Variants in MOB4 observed in about 807,000 individuals in gnomAD.
MOB4 encodes MOB-like protein phocein.
A neutral mutation model predicts 32.2 loss-of-function variants in MOB4; 4 were observed. The ratio of observed to expected loss-of-function variants is 0.12; its 90% CI spans 0.06 to 0.28. MOB4 has a LOEUF of 0.28. MOB4 is among the 10% of genes least tolerant of loss of function. The pLI, the probability that MOB4 is intolerant of heterozygous loss-of-function variation, is 1.00. For synonymous variants in MOB4, 88 were observed against 88.1 expected (o/e 1.00, Z 0.01); for missense variants, 158 against 271.2 (o/e 0.58, Z 2.93).
intron 3 of MOB4, among the ~76,000 whole-genome samples, chr2:197,536,379 A>AT (rs1388532320): frequency 6.6e-6 from 1 of 150,492 alleles, no homozygotes; most frequent in Non-Finnish European, 1.5e-5. Flanking sequence ...AGTTTTTTGT[A>AT]TTTTTTGTAG....
At chr2:197,523,381 C>T (rs908902136) in intron 1 of MOB4, among the ~76,000 whole-genome samples, 3 of 152,180 alleles carry the variant, frequency 2.0e-5, no homozygotes, top group African/African-American at 7.2e-5. Flanking sequence ...TGATTGCTTA[C>T]ACCCAGGAGT....
rs773078783 is a variant in MOB4, at chr2:197,551,224, T to C, written c.*578T>C. Reference sequence around the variant, plus strand: ...ATTAGTAATACTTAAATAATTTTACTGTGCTACATAAAGTATAACATACTT... The same window carrying C: ...ATTAGTAATACTTAAATAATTTTACCGTGCTACATAAAGTATAACATACTT... On this transcript the variant is annotated 3_prime_UTR_variant, in exon 8 of 8. Transcript: ENST00000323303. 6.6e-6 allele frequency: 1 copy of C among 152,430 alleles called. No individual in the cohort carries two copies. The highest frequency in any genetic ancestry group is 1.5e-5 in the Non-Finnish European group (1 of 68,040). 9.4% of individuals were successfully genotyped at this position (152,430 alleles called of 1,614,324 possible).
intron 2 of MOB4, among the ~76,000 whole-genome samples, chr2:197,532,730 C>G (rs1029031204): frequency 2.6e-5 from 4 of 151,520 alleles, no homozygotes; most frequent in African/African-American, 9.7e-5. Flanking sequence ...CAGGGACTCA[C>G]TATATGAAGG....
chr2:197,536,678 C>T (rs2086805767), intron 3 of MOB4, among the ~76,000 whole-genome samples: 1 of 147,140 alleles, frequency 6.8e-6, no homozygotes, highest in Admixed American at 6.9e-5. Flanking sequence ...CCCGGCTCAC[C>T]ACAACCTCTG....
At chr2:197,537,735 C>G (rs1027374238) in intron 3 of MOB4, among the ~76,000 whole-genome samples, 1 of 152,104 alleles carries the variant, frequency 6.6e-6, no homozygotes, top group African/African-American at 2.4e-5. Flanking sequence ...GTAGTACATC[C>G]TTTGCTTTAT....
chr2:197,535,199 G>A (rs2086776831), intron 2 of MOB4, among the ~76,000 whole-genome samples: 1 of 150,554 alleles, frequency 6.6e-6, no homozygotes, highest in African/African-American at 2.4e-5. Flanking sequence ...CTCCAGCCTG[G>A]GTGATGCAGT....
intron 3 of MOB4, among the ~76,000 whole-genome samples, chr2:197,539,579 A>C (rs1237996050): frequency 6.6e-6 from 1 of 152,066 alleles, no homozygotes; most frequent in African/African-American, 2.4e-5. Context: ...CGGCCTCCCA[A>C]AGTGTTGGGA....
At chr2:197,536,326 C>G (rs1435190718) in intron 3 of MOB4, among the ~76,000 whole-genome samples, 2 of 152,050 alleles carry the variant, frequency 1.3e-5, no homozygotes, top group East Asian at 3.9e-4. Flanking sequence ...ACCTCAGCCT[C>G]CTGAGTAGCT....
chr2:197,540,722 T>G (rs2086882023), intron 5 of MOB4, among the ~76,000 whole-genome samples: 1 of 152,242 alleles, frequency 6.6e-6, no homozygotes, highest in Non-Finnish European at 1.5e-5. Context: ...TGTGTAATGA[T>G]TGAGATACGC....
At chr2:197,542,249 A>G (rs999609702) in intron 5 of MOB4, among the ~76,000 whole-genome samples, 3 of 152,242 alleles carry the variant, frequency 2.0e-5, no homozygotes, top group African/African-American at 7.2e-5. Flanking sequence ...AGACCTGTAA[A>G]TTGAGTCTTA....
chr2:197,525,276 G>A (rs1426622649), intron 2 of MOB4, among the ~76,000 whole-genome samples: 1 of 80,058 alleles, frequency 1.2e-5, no homozygotes, highest in Non-Finnish European at 2.7e-5. Flanking sequence ...AACCTGGGAG[G>A]CAGTGAGCCT....
chr2:197,547,550 G>A (rs914905888), intron 5 of MOB4, among the ~76,000 whole-genome samples: 12 of 152,030 alleles, frequency 7.9e-5, no homozygotes, highest in African/African-American at 2.2e-4. Flanking sequence ...TTAGTGCCAC[G>A]GCACTAAGCC....
chr2:197,548,324 T>C lies in MOB4; in HGVS notation c.355-12T>C. 6.3e-7 allele frequency: 1 copy of C among 1,599,538 alleles called. No homozygotes were observed. Among genetic ancestry groups the C allele is most frequent in the Non-Finnish European group, 8.5e-7 (1 of 1,172,882 alleles). On this transcript the variant is annotated splice_polypyrimidine_tract_variant and intron_variant, in intron 5 of 7. Coordinates refer to ENST00000323303, the MANE Select transcript of MOB4 (RefSeq NM_015387.5). Reference sequence around the variant, plus strand: ...TCTTTGTTGATGCATTTCTATATTCTTTCTTTTGTAGTGTCCTGCTATAGA... The same window carrying C: ...TCTTTGTTGATGCATTTCTATATTCCTTCTTTTGTAGTGTCCTGCTATAGA...
At chr2:197,532,099 G>T (rs1361249105) in intron 2 of MOB4, among the ~76,000 whole-genome samples, 1 of 151,590 alleles carries the variant, frequency 6.6e-6, no homozygotes, top group Non-Finnish European at 1.5e-5. Flanking sequence ...AGTAGAGATG[G>T]TGTGTCACCA....
rs1401259265 is a variant in MOB4 at position 197,550,221 on chromosome 2, G to T, written c.435-54G>T. The T allele has an allele frequency of 7.3e-6, 11 of 1,503,294 alleles. No individual in the cohort carries two copies. The East Asian group carries it at 2.1e-4, about 29-fold the overall frequency. 93.1% of individuals were successfully genotyped at this position (1,503,294 alleles called of 1,614,324 possible). A position where few individuals can be genotyped will look rare whatever the true frequency, so the allele number is the denominator to read the frequency against. On this transcript the variant is annotated intron_variant, in intron 6 of 7. Coordinates refer to ENST00000323303, the MANE Select transcript of MOB4 (RefSeq NM_015387.5). ...TGTAAGCGAGAAATTGGACTATATTGTTCCTAAGATTCTATCCAGTTCTAA... is the reference window on the plus strand; with the variant it reads ...TGTAAGCGAGAAATTGGACTATATTTTTCCTAAGATTCTATCCAGTTCTAA...
At position 197,535,593 on chromosome 2, in the gene MOB4, G is replaced by A. The variant is rs1420110813; in HGVS notation, c.187G>A (p.Gly63Ser). The change falls in exon 3 of 8, where the codon GGC becomes AGC. Residue 63 changes from glycine to serine, a missense_variant. By Grantham distance (56) the Gly-to-Ser change is moderately conservative (BLOSUM62 0). This residue lies in a region of MOB4 where 25 missense variants were observed against 70.9 expected (regional missense o/e 0.35). Coordinates refer to ENST00000323303, the MANE Select transcript of MOB4 (RefSeq NM_015387.5). ...TGACAAAATTCTTGAACCACCTGAA[G>A]GCCAAGATGAAGGTGTGTGGAAGTA... ...NIDKILEPPE[G>S]QDEGVWKYEH... The A allele has an allele frequency of 6.2e-7, 1 of 1,613,152 alleles. No homozygotes were observed. Among genetic ancestry groups the A allele is most frequent in the East Asian group, 2.2e-5 (1 of 44,796 alleles).
chr2:197,533,967 A>G, intron 2 of MOB4: 1 of 560,012 alleles, frequency 1.8e-6, no homozygotes, highest in South Asian at 1.4e-5. Flanking sequence ...TGGGTCTAGA[A>G]GGAATTTTAC....
At chr2:197,539,317 A>AT (rs35362424) in intron 3 of MOB4, among the ~76,000 whole-genome samples, 57,865 of 126,334 alleles carry the variant, frequency 0.46, 14,301 homozygotes, top group African/African-American at 0.59. Flanking sequence ...TTGTAATGTA[A>AT]TTTTTTTTTT....
At chr2:197,547,396 C>T (rs2087015737) in intron 5 of MOB4, among the ~76,000 whole-genome samples, 1 of 152,142 alleles carries the variant, frequency 6.6e-6, no homozygotes, top group Non-Finnish European at 1.5e-5. Flanking sequence ...TTTTGACCAA[C>T]TCATCTGTGG....
Sources: allele counts gnomAD v4.1 joint callset (sites outside exome capture counted in the v4.1 genomes callset), GRCh38; gene constraint gnomAD v4.1.1; regional missense constraint gnomAD v4.1.1; transcripts MANE v1.5; gene names NCBI Gene and HGNC (gene_info 2026-07-23, HGNC 2026-07-21).